PPM1J: variants seen among roughly 807,000 people sequenced by gnomAD.
The protein encoded by PPM1J is protein phosphatase 1J.
Under a neutral mutation model 53.3 loss-of-function variants are expected in PPM1J, and 43 were observed. That is an observed-to-expected ratio of 0.81 (90% CI 0.63 to 1.04). PPM1J has a LOEUF of 1.04. Among genes scored for constraint, PPM1J ranks in the 50% least tolerant of loss-of-function variants. PPM1J has a pLI of 0.00. For synonymous variants in PPM1J, 267 were observed against 286.4 expected (o/e 0.93, Z 0.68); for missense variants, 635 against 685.9 (o/e 0.93, Z 0.83).
chr1:112,710,457 T>C lies in PPM1J; in HGVS notation c.1370+3A>G. 1 of 1,613,698 alleles carries C rather than the reference T, an allele frequency of 6.2e-7. No individual in the cohort carries two copies. The highest frequency in any genetic ancestry group is 8.5e-7 in the Non-Finnish European group (1 of 1,179,980). On this transcript the variant is annotated splice_donor_region_variant and intron_variant, in intron 9 of 9. Coordinates refer to ENST00000309276, the MANE Select transcript of PPM1J (RefSeq NM_005167.7). Reference sequence around the variant, plus strand: ...CCTTACCACCATGCCATGCAGCCCCTACCTGCTGTGGTCATTAGGCTCATA... The same window carrying C: ...CCTTACCACCATGCCATGCAGCCCCCACCTGCTGTGGTCATTAGGCTCATA...
rs1412399798 is a variant in PPM1J at position 112,712,427 on chromosome 1, G to A, written c.760C>T (p.His254Tyr). 1.2e-6 allele frequency: 2 copies of A among 1,613,818 alleles called. No homozygotes were observed. The highest frequency in any genetic ancestry group is 2.7e-5 in the African/African-American group (2 of 74,862). ...GCACAGCAGCCCCCCTCCACTTGGTGGCCACGCCGCTCCCGGGCCATCTGC... is the reference window on the plus strand; with the variant it reads ...GCACAGCAGCCCCCCTCCACTTGGTAGCCACGCCGCTCCCGGGCCATCTGC... ...DEQMARERRG[H>Y]QVEGGCCALV... The change falls in exon 4 of 10, where the codon CAC becomes TAC. Residue 254 changes from histidine to tyrosine, a missense_variant. Coordinates refer to ENST00000309276, the MANE Select transcript of PPM1J (RefSeq NM_005167.7).
intron 7 of PPM1J, 61 bp downstream of exon 7, chr1:112,710,947 C>T: frequency 6.3e-7 from 1 of 1,590,678 alleles, no homozygotes; most frequent in Non-Finnish European, 8.6e-7. Context: ...AGAACCTCCA[C>T]CTCCCTAGAC....
At chr1:112,712,718 G>C (rs1675094478) in intron 3 of PPM1J, 26 bp downstream of exon 3, 1 of 1,583,198 alleles carries the variant, frequency 6.3e-7, no homozygotes, top group Admixed American at 1.7e-5. Context: ...TGCCTAGCAG[G>C]CTCTTGGCCC....
rs201414787 is a variant in PPM1J at position 112,712,845 on chromosome 1, G to A, written c.628C>T (p.Pro210Ser). The change falls in exon 3 of 10, where the codon CCC becomes TCC. Residue 210 changes from proline (P) to serine (S), a missense_variant. By Grantham distance (74) the Pro-to-Ser change is moderately conservative. Transcript: ENST00000309276. ...GACTGAGGGCCAAGCAAGTGAGAGG[G>A]ATCGGAGGAATCTGGGGTCCCCGGA... ...TTPGTPDSSD[P>S]SHLLGPQSCW... is the part of the protein sequence containing the mutation. 24 of 1,613,816 alleles carry A rather than the reference G, an allele frequency of 1.5e-5. 1 individual carries two copies. In the East Asian group the frequency reaches 4.7e-4, roughly 31 times the overall value.
At position 112,714,910 on chromosome 1, in the gene PPM1J, G is replaced by A. The variant is rs114827062; in HGVS notation, c.326+66C>T. ...GCGTGGGGAACGCGTCCTAGCGCCG[G>A]GGATGCGGAGCTGGGGAGAGGGGTG... is the stretch of plus-strand genomic sequence containing the variant. On this transcript the variant is annotated intron_variant, in intron 1 of 9. Coordinates refer to ENST00000309276, the MANE Select transcript of PPM1J (RefSeq NM_005167.7). The A allele has an allele frequency of 1.7e-3, 2,305 of 1,321,454 alleles. 39 individuals carry two copies. The African/African-American group carries it at 0.031, about 18-fold the overall frequency. The allele number at this position is 1,321,454 out of a possible 1,614,324, so 81.9% of individuals were successfully genotyped here.
Position 112,711,255 on chromosome 1 carries a change from G to A in PPM1J, c.1046+11C>T. The A allele has an allele frequency of 6.3e-7, 1 of 1,595,978 alleles. No homozygotes were observed. Among genetic ancestry groups the A allele is most frequent in the Non-Finnish European group, 8.6e-7 (1 of 1,164,492 alleles). ...CATGGGAACGGGCCCCAGCTCTGAG[G>A]GAAGTGTTACCAGCCGGTCATGTTC... On this transcript the variant is annotated intron_variant, in intron 6 of 9. Transcript: ENST00000309276.
chr1:112,710,666 G>C (rs766033268), intron 8 of PPM1J, 55 bp from the exon 9 acceptor site: 4 of 1,613,552 alleles, frequency 2.5e-6, no homozygotes, highest in Non-Finnish European at 3.4e-6. Flanking sequence ...TGGACAGGGA[G>C]CTTGGAGATA....
chr1:112,713,098 T>TGTGTGTGTGTGTG, intron 2 of PPM1J, 67 bp from the exon 3 acceptor site: 1 of 769,312 alleles, frequency 1.3e-6, no homozygotes, highest in Non-Finnish European at 1.8e-6. Flanking sequence ...GTGTGTGTGT[T>TGTGTGTGTGTGTG]ATGCAAGGTG....
At position 112,710,495 on chromosome 1, in the gene PPM1J, C is replaced by T. The variant is rs958190301; in HGVS notation, c.1335G>A (p.Arg445=). 4 of 1,614,014 alleles carry T rather than the reference C, an allele frequency of 2.5e-6. No homozygotes were observed. The South Asian group carries it at 4.4e-5, about 18-fold the overall frequency. Residue 445 remains arginine, a synonymous_variant, in exon 9 of 10, where the codon AGG becomes AGA. Coordinates refer to ENST00000309276, the MANE Select transcript of PPM1J (RefSeq NM_005167.7). ...TDCEVAATVD[R]VLSAYEPNDH... Reference sequence around the variant, plus strand: ...CATTAGGCTCATAGGCCGACAGCACCCTGTCCACAGTGGCAGCTACCTCAC... The same window carrying T: ...CATTAGGCTCATAGGCCGACAGCACTCTGTCCACAGTGGCAGCTACCTCAC...
chr1:112,712,515 C>T, intron 3 of PPM1J, 58 bp from the exon 4 acceptor site: 1 of 1,455,610 alleles, frequency 6.9e-7, no homozygotes, highest in Non-Finnish European at 9.5e-7. Context: ...CACACAGTCA[C>T]CCTCCCCCTA....
Position 112,712,470 on chromosome 1 carries a change from G to T in PPM1J, c.730-13C>A, listed in dbSNP as rs145452690. ...CCATCTGCTCATCCTGCCACATAAG[G>T]AAGGGTCAGAGGTGGGTAGAAGGAG... On this transcript the variant is annotated splice_polypyrimidine_tract_variant and intron_variant, in intron 3 of 9. Transcript: ENST00000309276. 7.6e-5 allele frequency: 122 copies of T among 1,609,394 alleles called. 1 individual carries two copies. The African/African-American group carries it at 1.6e-3, about 21-fold the overall frequency.
chr1:112,711,288 G>T lies in PPM1J; in HGVS notation c.1024C>A (p.Arg342=). The T allele has an allele frequency of 1.2e-6, 2 of 1,607,850 alleles. No homozygotes were observed. The highest frequency in any genetic ancestry group is 1.7e-6 in the Non-Finnish European group (2 of 1,176,790). ...TACCAGCCGGTCATGTTCTGGTCCC[G>T]GTACAACATCCTCTGCCCCAGCTCC... The part of the protein sequence containing the change: ...PKELGQRMLY[R]DQNMTGWAYK... Residue 342 remains arginine (R), a synonymous_variant, in exon 6 of 10, where the codon CGG becomes AGG. Coordinates refer to ENST00000309276, the MANE Select transcript of PPM1J (RefSeq NM_005167.7).
Position 112,711,071 on chromosome 1 carries a change from C to A in PPM1J, c.1047G>T (p.Trp349Cys). ...MLYRDQNMTG[W>C]AYKKIELEDL... is the part of the protein sequence containing the mutation. The stretch of plus-strand genomic sequence containing the variant: ...CCTCCAGCTCGATCTTTTTGTAGGC[C>A]CTGGGGAGGGGGGAGTAGAGGAGGC... Residue 349 changes from tryptophan (W) to cysteine (C), a missense_variant and splice_region_variant, in exon 7 of 10, where the codon TGG becomes TGT. Physicochemically the swap from Trp to Cys is radical, Grantham distance 215. Coordinates refer to ENST00000309276, the MANE Select transcript of PPM1J (RefSeq NM_005167.7). 1 of 1,613,986 alleles carries A rather than the reference C, an allele frequency of 6.2e-7. No homozygotes were observed. The highest frequency in any genetic ancestry group is 8.5e-7 in the Non-Finnish European group (1 of 1,179,912).
rs747325419 is a variant in PPM1J at position 112,711,070 on chromosome 1, C to T, written c.1048G>A (p.Ala350Thr). 1.3e-5 allele frequency: 21 copies of T among 1,614,006 alleles called. No individual in the cohort carries two copies. The highest frequency in any genetic ancestry group is 1.5e-5 in the Non-Finnish European group (18 of 1,179,892). The change falls in exon 7 of 10, where the codon GCC (alanine) becomes ACC (threonine). Residue 350 changes from alanine (A) to threonine (T), a missense_variant and splice_region_variant. By Grantham distance (58) the Ala-to-Thr change is moderately conservative (BLOSUM62 0). Transcript: ENST00000309276. ...LYRDQNMTGW[A>T]YKKIELEDLR... ...TCCTCCAGCTCGATCTTTTTGTAGGCCCTGGGGAGGGGGGAGTAGAGGAGG... is the reference window on the plus strand; with the variant it reads ...TCCTCCAGCTCGATCTTTTTGTAGGTCCTGGGGAGGGGGGAGTAGAGGAGG...
At chr1:112,710,878 C>T (rs1557782948) in intron 7 of PPM1J, 27 bp from the exon 8 acceptor site, 5 of 1,603,562 alleles carry the variant, frequency 3.1e-6, no homozygotes, top group Non-Finnish European at 4.3e-6. Context: ...GGGAGTGCCA[C>T]TGTAGTCCTC....
In PPM1J at chr1:112,711,269, C is replaced by A. The variant is rs1199154446; in HGVS notation, c.1043G>T (p.Gly348Val). ...CCAGCTCTGAGGGAAGTGTTACCAG[C>A]CGGTCATGTTCTGGTCCCGGTACAA... ...RMLYRDQNMTGWAYKKIELED... is the reference protein window; with the variant it reads ...RMLYRDQNMTVWAYKKIELED... The change falls in exon 6 of 10, where the codon GGC (glycine) becomes GTC (valine). Residue 348 changes from glycine (G) to valine (V), a missense_variant. Transcript: ENST00000309276. 6.2e-7 allele frequency: 1 copy of A among 1,605,836 alleles called. No homozygotes were observed. The highest frequency in any genetic ancestry group is 1.3e-5 in the African/African-American group (1 of 74,752).
chr1:112,711,921 G>A (rs745699160), intron 5 of PPM1J, 50 bp downstream of exon 5: 7 of 1,329,808 alleles, frequency 5.3e-6, no homozygotes, highest in South Asian at 5.1e-5. Flanking sequence ...GGTGCAGGGA[G>A]GCACAAGACC....
intron 1 of PPM1J, 173 bp downstream of exon 1, chr1:112,714,802 GA>G (rs1448451126): frequency 3.9e-6 from 5 of 1,272,700 alleles, no homozygotes; most frequent in Non-Finnish European, 4.9e-6. Flanking sequence ...CCCCCCACTG[GA>G]AAATGGGTTG....
rs749987296 is a variant in PPM1J at position 112,712,897 on chromosome 1, C to T, written c.576G>A (p.Ser192=). 13 of 1,613,776 alleles carry T rather than the reference C, an allele frequency of 8.1e-6. No homozygotes were observed. The highest frequency in any genetic ancestry group is 5.0e-5 in the Admixed American group (3 of 59,992). The change falls in exon 3 of 10, where the codon TCG becomes TCA. Residue 192 remains serine (S), a synonymous_variant. Coordinates refer to ENST00000309276, the MANE Select transcript of PPM1J (RefSeq NM_005167.7). ...KDLVEILQDP[S]PPPLCLPTTP... is the part of the protein sequence containing the mutation. ...TGGTTGGGAGGCAGAGGGGTGGTGG[C>T]GAAGGGTCCTGAAGTATCTCTACCA...
Sources: gnomAD v4.1 joint callset for allele counts on GRCh38, gnomAD v4.1.1 for gene constraint, MANE v1.5 for transcripts, NCBI Gene and HGNC (gene_info 2026-07-23, HGNC 2026-07-21) for gene names.